Variants in STARD9 observed in about 807,000 individuals in gnomAD.
STARD9 encodes stAR-related lipid transfer protein 9.
Under a neutral mutation model 399.8 loss-of-function variants are expected in STARD9, and 346 were observed. The ratio of observed to expected loss-of-function variants is 0.87; its 90% CI spans 0.79 to 0.95. The LOEUF (loss-of-function observed/expected upper bound fraction) is 0.95, where lower values mean the gene tolerates loss of function less well. Ranked by LOEUF, STARD9 falls within the 40% of genes least tolerant of loss-of-function variation. The pLI, the probability that STARD9 is intolerant of heterozygous loss-of-function variation, is 0.00. For synonymous variants in STARD9, 2,203 were observed against 2,143.5 expected, an observed-to-expected ratio of 1.03 and a Z score of -0.77; for missense variants, 5,832 against 5,667.5, an observed-to-expected ratio of 1.03 and a Z score of -0.93.
chr15:42,701,179 A>G (rs966120660), intron 26 of STARD9, among the ~76,000 whole-genome samples: 4 of 152,118 alleles, frequency 2.6e-5, no homozygotes, highest in Non-Finnish European at 4.4e-5. Context: ...TTTTGAAGTC[A>G]GGTACTGTGA....
chr15:42,602,563 C>A (rs1412848471), intron 3 of STARD9, among the ~76,000 whole-genome samples: 2 of 152,320 alleles, frequency 1.3e-5, no homozygotes, highest in South Asian at 4.1e-4. Flanking sequence ...TGCAAATACC[C>A]TCTAGAAGTT....
At chr15:42,714,786 C>G (rs1001989333) in intron 26 of STARD9, among the ~76,000 whole-genome samples, 2 of 151,380 alleles carry the variant, frequency 1.3e-5, no homozygotes, top group African/African-American at 4.8e-5. Flanking sequence ...CCCAGTATAT[C>G]TTTGATCCAT....
chr15:42,714,759 T>G (rs73410937), intron 26 of STARD9, among the ~76,000 whole-genome samples: 9,273 of 152,234 alleles, frequency 0.061, 637 homozygotes, highest in African/African-American at 0.18. Flanking sequence ...TTGTAATACT[T>G]TTATACTCCT....
intron 26 of STARD9, among the ~76,000 whole-genome samples, chr15:42,710,969 C>CTTT (rs1170742160): frequency 6.9e-6 from 1 of 144,498 alleles, no homozygotes; most frequent in African/African-American, 2.5e-5. Context: ...ACATAGCCTT[C>CTTT]TTTTTTTTTT....
At chr15:42,712,096 T>TAAAAAATATAA (rs1192910136) in intron 26 of STARD9, among the ~76,000 whole-genome samples, 10 of 508 alleles carry the variant, frequency 0.02, 1 homozygote, top group African/African-American at 0.036. Context: ...TATATATATA[T>TAAAAAATATAA]AATATATAAT....
intron 7 of STARD9, among the ~76,000 whole-genome samples, chr15:42,645,847 T>G (rs113515483): frequency 0.031 from 4,666 of 152,062 alleles, 225 homozygotes; most frequent in African/African-American, 0.096. Context: ...CAGCCTGGCC[T>G]TAGGATTTTC....
At position 42,681,479 on chromosome 15, in the gene STARD9, A is replaced by G. The variant is rs1187375114; in HGVS notation, c.1932A>G (p.Thr644=). 5.2e-6 allele frequency: 8 copies of G among 1,537,114 alleles called. No homozygotes were observed. The highest frequency in any genetic ancestry group is 2.0e-5 in the Admixed American group (1 of 50,974). Reference sequence around the variant, plus strand: ...ATCAGACACCGAGGGATGGAGAGACATCCCACAGGGCCCAGATTCAGCAGC... The same window carrying G: ...ATCAGACACCGAGGGATGGAGAGACGTCCCACAGGGCCCAGATTCAGCAGC... ...EDHQTPRDGE[T]SHRAQIQQQQ... The change falls in exon 21 of 33, where the codon ACA becomes ACG. Residue 644 remains threonine, a synonymous_variant. Transcript: ENST00000290607.
chr15:42,686,404 C>T lies in STARD9; in HGVS notation c.4826C>T (p.Ala1609Val). 6.5e-7 allele frequency: 1 copy of T among 1,537,642 alleles called. No individual in the cohort carries two copies. The highest frequency in any genetic ancestry group is 8.7e-7 in the Non-Finnish European group (1 of 1,147,008). ...ASRSTNAQVF[A>V]TENAIPDSMT... is the part of the protein sequence containing the mutation. ...CGATCTACAAATGCACAGGTCTTTG[C>T]AACAGAGAACGCGATACCAGATTCC... The change falls in exon 23 of 33, where the codon GCA becomes GTA. Residue 1609 changes from alanine (A) to valine (V), a missense_variant. This residue lies in a region of STARD9 where 5,828 missense variants were observed against 5,651.1 expected (regional missense o/e 1.03). Coordinates refer to ENST00000290607, the MANE Select transcript of STARD9 (RefSeq NM_020759.3).
intron 30 of STARD9, 82 bp from the exon 31 acceptor site, chr15:42,718,353 G>GGGGA (rs113206636): frequency 0.018 from 23,804 of 1,304,760 alleles, 1,259 homozygotes; most frequent in African/African-American, 0.18. Flanking sequence ...GGGGTGTTGG[G>GGGGA]GGGAGGGCTC....
At position 42,692,598 on chromosome 15, in the gene STARD9, T is replaced by C; in HGVS notation, c.11020T>C (p.Trp3674Arg). The change falls in exon 23 of 33, where the codon TGG becomes CGG. Residue 3674 changes from tryptophan to arginine, a missense_variant. Trp to Arg is a moderately radical substitution (Grantham distance 101). Coordinates refer to ENST00000290607, the MANE Select transcript of STARD9 (RefSeq NM_020759.3). ...AGTATCAGCCTTTGATCTGGCCTCA[T>C]GGACCAGCATGCACAATCTGTCTCT... ...SAVSAFDLAS[W>R]TSMHNLSLHL... 6.5e-7 allele frequency: 1 copy of C among 1,537,238 alleles called. No individual in the cohort carries two copies. Among genetic ancestry groups the C allele is most frequent in the Non-Finnish European group, 8.7e-7 (1 of 1,146,916 alleles).
Position 42,690,542 on chromosome 15 carries a change from G to A in STARD9, c.8964G>A (p.Lys2988=). The A allele has an allele frequency of 6.5e-7, 1 of 1,537,162 alleles. No homozygotes were observed. The highest frequency in any genetic ancestry group is 8.7e-7 in the Non-Finnish European group (1 of 1,146,896). Reference sequence around the variant, plus strand: ...GTGACCTAGGGAAGGAGCCTTTCAAGGCTGCCCCACATACTATCCACCCAC... The same window carrying A: ...GTGACCTAGGGAAGGAGCCTTTCAAAGCTGCCCCACATACTATCCACCCAC... The part of the protein sequence containing the change: ...RDGDLGKEPF[K]AAPHTIHPPC... Residue 2988 remains lysine, a synonymous_variant, in exon 23 of 33, where the codon AAG becomes AAA. Coordinates refer to ENST00000290607, the MANE Select transcript of STARD9 (RefSeq NM_020759.3).
Position 42,690,039 on chromosome 15 carries a change from G to A in STARD9, c.8461G>A (p.Val2821Ile). The change falls in exon 23 of 33, where the codon GTT (valine) becomes ATT (isoleucine). Residue 2821 changes from valine to isoleucine, a missense_variant. This residue lies in a region of STARD9 where 5,828 missense variants were observed against 5,651.1 expected (regional missense o/e 1.03). Transcript: ENST00000290607. ...HFESQSVTCDVQNSTSASGPK... is the reference protein window; with the variant it reads ...HFESQSVTCDIQNSTSASGPK... Reference sequence around the variant, plus strand: ...TGAAAGTCAGTCTGTGACCTGTGATGTTCAGAATTCTACAAGTGCCTCAGG... The same window carrying A: ...TGAAAGTCAGTCTGTGACCTGTGATATTCAGAATTCTACAAGTGCCTCAGG... 1 of 1,537,486 alleles carries A rather than the reference G, an allele frequency of 6.5e-7. No individual in the cohort carries two copies. Among genetic ancestry groups the A allele is most frequent in the South Asian group, 1.2e-5 (1 of 84,056 alleles).
intron 21 of STARD9, 147 bp downstream of exon 21, chr15:42,681,759 G>T: frequency 1.3e-6 from 1 of 771,138 alleles, no homozygotes; most frequent in Non-Finnish European, 2.0e-6. Context: ...TTAGACACCA[G>T]AGATTCTTAT....
intron 3 of STARD9, among the ~76,000 whole-genome samples, chr15:42,630,982 C>CTT (rs1320873788): frequency 7.2e-6 from 1 of 138,698 alleles, no homozygotes; most frequent in South Asian, 2.3e-4. Context: ...TTTTCTAGCT[C>CTT]TTTTTTTTTT....
intron 18 of STARD9, among the ~76,000 whole-genome samples, chr15:42,675,325 A>G (rs527345794): frequency 6.6e-6 from 1 of 152,298 alleles, no homozygotes; most frequent in East Asian, 1.9e-4. Flanking sequence ...AACACTCATT[A>G]TCATTATTAC....
At chr15:42,589,150 G>A (rs1209466832) in intron 3 of STARD9, among the ~76,000 whole-genome samples, 1 of 151,480 alleles carries the variant, frequency 6.6e-6, no homozygotes, top group African/African-American at 2.4e-5. Flanking sequence ...TGAGAGGAGG[G>A]GTCAGTCTAT....
In STARD9 at chr15:42,617,431, T is replaced by TG. The variant is rs1322951619; in HGVS notation, c.235-17423dup. On this transcript the variant is annotated intron_variant, in intron 3 of 32. Coordinates refer to ENST00000290607, the MANE Select transcript of STARD9 (RefSeq NM_020759.3). ...AGGCTGGAGTACAGTGGCACGATGT[T>TG]GGCTCACTGCAACCTACTCCTCCCA... Among the ~76,000 whole-genome samples, 5 of 152,224 alleles carry TG rather than the reference T, an allele frequency of 3.3e-5. No individual in the cohort carries two copies. The East Asian group carries it at 9.7e-4, about 29-fold the overall frequency.
Position 42,652,682 on chromosome 15 carries a change from T to G in STARD9, c.702+90T>G, listed in dbSNP as rs552270066. On this transcript the variant is annotated intron_variant, in intron 9 of 32. Coordinates refer to ENST00000290607, the MANE Select transcript of STARD9 (RefSeq NM_020759.3). The stretch of plus-strand genomic sequence containing the variant: ...TCTTCCTTCCTATTTCTTTTTTTGT[T>G]TGTTGGTTTTTGAGACAGGGTCTCA... 3 of 1,239,730 alleles carry G rather than the reference T, an allele frequency of 2.4e-6. No individual in the cohort carries two copies. In the African/African-American group the frequency reaches 4.5e-5, roughly 18 times the overall value. 76.8% of individuals were successfully genotyped at this position (1,239,730 alleles called of 1,614,324 possible). A position where few individuals can be genotyped will look rare whatever the true frequency, so the allele number is the denominator to read the frequency against.
intron 8 of STARD9, among the ~76,000 whole-genome samples, chr15:42,652,234 C>T (rs542004203): frequency 7.9e-5 from 12 of 151,858 alleles, no homozygotes; most frequent in African/African-American, 2.4e-4. Flanking sequence ...CTCTAGTCTT[C>T]ATTTCCCTTT....
Sources: gnomAD v4.1 joint callset for allele counts (sites outside exome capture counted in the v4.1 genomes callset) on GRCh38, gnomAD v4.1.1 for gene constraint, gnomAD v4.1.1 regional missense constraint, MANE v1.5 for transcripts, NCBI Gene and HGNC (gene_info 2026-07-23, HGNC 2026-07-21) for gene names.